The following ZFP36L1 variants were observed in gnomAD, a reference collection of about 807,000 sequenced individuals.
ZFP36L1 encodes the protein mRNA decay activator protein ZFP36L1.
In ZFP36L1, 4 loss-of-function variants were observed where a neutral mutation model predicts 16.7. The observed-to-expected ratio is 0.24, with a 90% confidence interval of 0.12 to 0.55. The LOEUF is 0.55. Ranked by LOEUF, ZFP36L1 falls within the 20% of genes least tolerant of loss-of-function variation. The pLI, the probability that ZFP36L1 is intolerant of heterozygous loss-of-function variation, is 0.94. For synonymous variants in ZFP36L1, 220 were observed against 190.8 expected, an observed-to-expected ratio of 1.15 and a Z score of -1.26; for missense variants, 311 against 449.2, an observed-to-expected ratio of 0.69 and a Z score of 2.78.
chr14:68,791,256 G>A, intron 1 of ZFP36L1: 1 of 552,264 alleles, frequency 1.8e-6, no homozygotes, highest in East Asian at 3.0e-5. Context: ...TCTTTTGGCT[G>A]CAAGAGCAAG....
At chr14:68,794,854 CTT>C (rs899534588), upstream of ZFP36L1, 5 of 152,688 alleles carry the variant, frequency 3.3e-5, no homozygotes, top group African/African-American at 1.2e-4. Flanking sequence ...TGAAACCCAA[CTT>C]TTGCTGCAGC....
In ZFP36L1 at chr14:68,788,172, C is replaced by CA. The variant is rs1288036277; in HGVS notation, c.*1360dup. On this transcript the variant is annotated 3_prime_UTR_variant, in exon 2 of 2. Transcript: ENST00000439696. ...AAATAACCAAAAAAGTGTAAAGTTA[C>CA]AAAAAATGTCGTTGAAGAATAATAT... 6.6e-6 allele frequency: 1 copy of CA among 150,672 alleles called. No homozygotes were observed. The highest frequency in any genetic ancestry group is 2.4e-5 in the African/African-American group (1 of 40,868). The allele number at this position is 150,672 out of a possible 1,614,324, so 9.3% of individuals were successfully genotyped here.
upstream of ZFP36L1, chr14:68,796,057 G>C (rs1382872333): frequency 3.0e-6 from 4 of 1,342,524 alleles, no homozygotes; most frequent in Non-Finnish European, 2.0e-6. Context: ...GCAGTCCCCA[G>C]GCTGGCCGCC....
chr14:68,791,808 A>C (rs540725002), intron 1 of ZFP36L1, among the ~76,000 whole-genome samples: 1 of 152,268 alleles, frequency 6.6e-6, no homozygotes, highest in African/African-American at 2.4e-5. Context: ...AAACTTTTTA[A>C]ATGCTACTCT....
chr14:68,795,814 G>A (rs770442835), upstream of ZFP36L1: 3 of 536,630 alleles, frequency 5.6e-6, no homozygotes, highest in Middle Eastern at 3.2e-4. Context: ...GACTTTCCAA[G>A]GGTGAGGGAG....
intron 1 of ZFP36L1, among the ~76,000 whole-genome samples, chr14:68,792,655 C>A (rs560279930): frequency 6.6e-6 from 1 of 152,226 alleles, no homozygotes; most frequent in East Asian, 1.9e-4. Context: ...CCCTCAAAAC[C>A]CTGGCCTCCA....
upstream of ZFP36L1, chr14:68,793,707 A>C (rs1228764130): frequency 3.0e-6 from 3 of 985,426 alleles, no homozygotes; most frequent in African/African-American, 5.2e-5. Flanking sequence ...CAGGCCGAGG[A>C]CATTAGAAAT....
Position 68,793,037 on chromosome 14 carries a change from A to C in ZFP36L1, c.-99T>G, listed in dbSNP as rs756971351. Reference sequence around the variant, plus strand: ...TCTCCTGTCTGGAGTCCCACACGCCAGTTCCCGGCGCCCCTCGCCTTTCTG... The same window carrying C: ...TCTCCTGTCTGGAGTCCCACACGCCCGTTCCCGGCGCCCCTCGCCTTTCTG... On this transcript the variant is annotated 5_prime_UTR_variant, in exon 1 of 2. Transcript: ENST00000439696. 1.3e-6 allele frequency: 2 copies of C among 1,599,486 alleles called. No homozygotes were observed. The highest frequency in any genetic ancestry group is 2.2e-5 in the South Asian group (2 of 90,658).
chr14:68,793,941 CA>C, upstream of ZFP36L1: 7 of 982,952 alleles, frequency 7.1e-6, no homozygotes, highest in Non-Finnish European at 8.5e-6. Context: ...GGGGGCGCCG[CA>C]AAAAAAGACC....
Position 68,789,464 on chromosome 14 carries a change from A to G in ZFP36L1, c.*69T>C. The G allele has an allele frequency of 4.4e-6, 7 of 1,600,976 alleles. No homozygotes were observed. Among genetic ancestry groups the G allele is most frequent in the African/African-American group, 1.3e-5 (1 of 74,638 alleles). ...CCTGTGGGGAATGGGATGGGTAGGG[A>G]GAAGAGGGTATGGGATGTGGGTGCA... On this transcript the variant is annotated 3_prime_UTR_variant, in exon 2 of 2. Coordinates refer to ENST00000439696, the MANE Select transcript of ZFP36L1 (RefSeq NM_004926.4). This position sits in a 1 kb window ranked among gnomAD's most constrained non-coding sequence, Gnocchi z 4.5.
At chr14:68,796,043 C>A (rs756329125), upstream of ZFP36L1, 8 of 1,334,326 alleles carry the variant, frequency 6.0e-6, no homozygotes, top group South Asian at 9.3e-5. Context: ...CGCTCCTTAC[C>A]CGCGCAGTCC....
intron 1 of ZFP36L1, among the ~76,000 whole-genome samples, chr14:68,792,381 C>T (rs1035021617): frequency 1.3e-5 from 2 of 152,184 alleles, no homozygotes; most frequent in African/African-American, 4.8e-5. Context: ...ACAACTTGGC[C>T]TTTCTTCCTC....
rs1299194221 is a variant in ZFP36L1 at position 68,789,209 on chromosome 14, G to A, written c.*324C>T. The A allele has an allele frequency of 9.8e-6, 3 of 307,654 alleles. No homozygotes were observed. The Admixed American group carries it at 1.4e-4, about 14-fold the overall frequency. The allele number at this position is 307,654 out of a possible 1,614,324, so 19.1% of individuals were successfully genotyped here. On this transcript the variant is annotated 3_prime_UTR_variant, in exon 2 of 2. Coordinates refer to ENST00000439696, the MANE Select transcript of ZFP36L1 (RefSeq NM_004926.4). This position sits in a 1 kb window ranked among gnomAD's most constrained non-coding sequence, Gnocchi z 4.5. ...GTTACTGCTTTTTCTCTTGTGATTT[G>A]GCACTTAAGGCTTAAGCCGGAAAAA...
At chr14:68,795,448 C>A (rs140684161), upstream of ZFP36L1, among the ~76,000 whole-genome samples, 1,450 of 152,320 alleles carry the variant, frequency 9.5e-3, 26 homozygotes, top group African/African-American at 0.033. Context: ...GCCCCCTTCC[C>A]GGCCCAGGGC....
chr14:68,792,675 G>C (rs964264534), intron 1 of ZFP36L1, among the ~76,000 whole-genome samples: 1 of 152,202 alleles, frequency 6.6e-6, no homozygotes, highest in Admixed American at 6.5e-5. Context: ...AGATTCACAT[G>C]TAATCCCCGC....
intron 1 of ZFP36L1, among the ~76,000 whole-genome samples, chr14:68,790,761 T>C (rs1387463503): frequency 6.6e-6 from 1 of 152,184 alleles, no homozygotes; most frequent in Non-Finnish European, 1.5e-5. Flanking sequence ...CCATGTCCTC[T>C]GTCCCCAAAG....
intron 1 of ZFP36L1, among the ~76,000 whole-genome samples, chr14:68,792,486 A>G (rs1895113148): frequency 1.3e-5 from 2 of 152,210 alleles, no homozygotes; most frequent in African/African-American, 2.4e-5. Flanking sequence ...ACGGGTGGGT[A>G]ATGCCGCTGG....
rs1054851024 is a variant in ZFP36L1, at chr14:68,789,276, C to T, written c.*257G>A. On this transcript the variant is annotated 3_prime_UTR_variant, in exon 2 of 2. Transcript: ENST00000439696. The surrounding 1 kb of genome is among the most constrained non-coding windows in gnomAD (Gnocchi z 4.5). ...CAAAATATGGGACTTGTCTGTTATG[C>T]ATGGTAAGTGGGCTATAAAATCCAG... 3.9e-6 allele frequency: 2 copies of T among 508,286 alleles called. No homozygotes were observed. Among genetic ancestry groups the T allele is most frequent in the African/African-American group, 3.8e-5 (2 of 52,134 alleles). 31.5% of individuals were successfully genotyped at this position (508,286 alleles called of 1,614,324 possible). A position where few individuals can be genotyped will look rare whatever the true frequency, so the allele number is the denominator to read the frequency against.
rs1895035126 is a variant in ZFP36L1 at position 68,790,319 on chromosome 14, G to A, written c.231C>T (p.Pro77=). Residue 77 remains proline (P), a synonymous_variant, in exon 2 of 2, where the codon CCC becomes CCT. Coordinates refer to ENST00000439696, the MANE Select transcript of ZFP36L1 (RefSeq NM_004926.4). The part of the protein sequence containing the change: ...LLSSLKGEPA[P]ALSSRDSRFR... ...AGCGGCTGTCTCGCGAGCTCAGAGC[G>A]GGGGCTGGCTCACCCTTGAGGCTGC... 2 of 1,610,252 alleles carry A rather than the reference G, an allele frequency of 1.2e-6. No individual in the cohort carries two copies. The highest frequency in any genetic ancestry group is 1.1e-5 in the South Asian group (1 of 91,040).
Sources: gnomAD v4.1 joint callset for allele counts (sites outside exome capture counted in the v4.1 genomes callset) on GRCh38, gnomAD v4.1.1 for gene constraint, Gnocchi (gnomAD v3.1) non-coding constraint, MANE v1.5 for transcripts, NCBI Gene and HGNC (gene_info 2026-07-23, HGNC 2026-07-21) for gene names.